The following PDE4B variants were observed in gnomAD, a reference collection of about 807,000 sequenced individuals.
The protein encoded by PDE4B is 3',5'-cyclic-AMP phosphodiesterase 4B.
A neutral mutation model predicts 82.2 loss-of-function variants in PDE4B; 20 were observed. The observed-to-expected ratio is 0.24, with a 90% CI of 0.17 to 0.35. PDE4B has a LOEUF of 0.35. Ranked by LOEUF, PDE4B falls within the 10% of genes least tolerant of loss-of-function variation. The pLI is 1.00. For synonymous variants in PDE4B, 320 were observed against 318.9 expected (o/e 1.00, Z -0.04); for missense variants, 655 against 907.2 (o/e 0.72, Z 3.57).
At chr1:66,016,161 T>C (rs191359575) in intron 3 of PDE4B, among the ~76,000 whole-genome samples, 1,754 of 152,272 alleles carry the variant, frequency 0.012, 35 homozygotes, top group African/African-American at 0.04. Context: ...CATGGAGTTG[T>C]TGTGAGGATT....
chr1:66,106,602 G>A (rs1645363199), intron 3 of PDE4B, among the ~76,000 whole-genome samples: 1 of 151,272 alleles, frequency 6.6e-6, no homozygotes, highest in African/African-American at 2.4e-5. Context: ...ATTGATTATT[G>A]CCACAATTTC....
At chr1:66,207,826 A>G in intron 3 of PDE4B, among the ~76,000 whole-genome samples, 1 of 152,196 alleles carries the variant, frequency 6.6e-6, no homozygotes, top group East Asian at 1.9e-4. Flanking sequence ...TTCGTTTGTA[A>G]TTACAAAATA....
chr1:66,247,255 G>A (rs913764182), intron 3 of PDE4B, among the ~76,000 whole-genome samples: 1 of 152,168 alleles, frequency 6.6e-6, no homozygotes, highest in Non-Finnish European at 1.5e-5. Flanking sequence ...CTGAACTTCA[G>A]TGCGACTCAG....
intron 3 of PDE4B, among the ~76,000 whole-genome samples, chr1:66,154,573 A>G (rs1646465498): frequency 6.6e-6 from 1 of 152,214 alleles, no homozygotes; most frequent in African/African-American, 2.4e-5. Context: ...TGAATTAAAC[A>G]TGCTGTTTTC....
At chr1:66,015,876 C>T (rs1313156196) in intron 3 of PDE4B, among the ~76,000 whole-genome samples, 1 of 152,118 alleles carries the variant, frequency 6.6e-6, no homozygotes, top group African/African-American at 2.4e-5. Flanking sequence ...GGTTGGTTCA[C>T]GTTATCAATT....
intron 3 of PDE4B, among the ~76,000 whole-genome samples, chr1:66,102,816 C>T (rs987033215): frequency 1.8e-4 from 28 of 152,092 alleles, no homozygotes; most frequent in African/African-American, 6.7e-4. Flanking sequence ...ACAGGCAGTT[C>T]TAGAAAGCAG....
intron 3 of PDE4B, among the ~76,000 whole-genome samples, chr1:66,138,658 A>T (rs1339717357): frequency 6.6e-6 from 1 of 152,232 alleles, no homozygotes; most frequent in Non-Finnish European, 1.5e-5. Flanking sequence ...CATTTTGTTA[A>T]TACAACACTA....
At chr1:66,233,798 C>T (rs1158370399) in intron 3 of PDE4B, among the ~76,000 whole-genome samples, 2 of 152,050 alleles carry the variant, frequency 1.3e-5, no homozygotes, top group African/African-American at 4.8e-5. Context: ...GTTTTTCAGT[C>T]TGTTAGCATG....
At chr1:66,242,846 A>C (rs1337723986) in intron 3 of PDE4B, among the ~76,000 whole-genome samples, 1 of 152,214 alleles carries the variant, frequency 6.6e-6, no homozygotes, top group Non-Finnish European at 1.5e-5. Context: ...CTGCAGCCTA[A>C]GGACAGTGTG....
intron 1 of PDE4B, among the ~76,000 whole-genome samples, chr1:65,817,564 G>GC (rs1167431602): frequency 6.6e-6 from 1 of 151,762 alleles, no homozygotes; most frequent in African/African-American, 2.4e-5. Flanking sequence ...CTTTATTATT[G>GC]CAACTCTTAT....
intron 3 of PDE4B, among the ~76,000 whole-genome samples, chr1:66,154,304 C>T (rs549857538): frequency 4.6e-5 from 7 of 152,278 alleles, no homozygotes; most frequent in African/African-American, 1.4e-4. Flanking sequence ...CCAAACACAC[C>T]GTGGAATGTT....
intron 3 of PDE4B, among the ~76,000 whole-genome samples, chr1:66,083,468 C>T (rs1020460815): frequency 2.6e-5 from 4 of 152,078 alleles, no homozygotes; most frequent in Non-Finnish European, 5.9e-5. Context: ...GTATTGTACT[C>T]GCTGTTTTCC....
chr1:65,938,328 G>A (rs1648265284), intron 3 of PDE4B, among the ~76,000 whole-genome samples: 1 of 152,162 alleles, frequency 6.6e-6, no homozygotes, highest in Non-Finnish European at 1.5e-5. Context: ...TAGAATCTGA[G>A]CCCTTCACCT....
chr1:65,825,214 T>A (rs767243400), intron 1 of PDE4B, among the ~76,000 whole-genome samples: 4 of 152,190 alleles, frequency 2.6e-5, no homozygotes, highest in Non-Finnish European at 5.9e-5. Flanking sequence ...TCATTGACAT[T>A]GCTCTTCCCC....
intron 1 of PDE4B, among the ~76,000 whole-genome samples, chr1:65,900,918 T>G (rs1011622755): frequency 1.3e-5 from 2 of 152,000 alleles, no homozygotes; most frequent in African/African-American, 4.8e-5. Flanking sequence ...ACAATTTGAC[T>G]TTTTTTCCTA....
At chr1:66,271,342 G>A (rs1655458512) in intron 7 of PDE4B, among the ~76,000 whole-genome samples, 1 of 152,124 alleles carries the variant, frequency 6.6e-6, no homozygotes, top group Non-Finnish European at 1.5e-5. Flanking sequence ...GTTCCGTGTT[G>A]ACTCCACTTC....
chr1:65,904,245 A>G (rs998965395), intron 1 of PDE4B, among the ~76,000 whole-genome samples: 1 of 152,188 alleles, frequency 6.6e-6, no homozygotes, highest in Non-Finnish European at 1.5e-5. Flanking sequence ...AATTTTTTGA[A>G]GTCTAGAGAC....
intron 3 of PDE4B, among the ~76,000 whole-genome samples, chr1:65,952,189 A>G (rs1649033807): frequency 6.6e-6 from 1 of 152,086 alleles, no homozygotes; most frequent in African/African-American, 2.4e-5. Context: ...GAGGCCCGCT[A>G]AAGTTTGAGA....
chr1:66,133,114 A>G (rs1040915746), intron 3 of PDE4B, among the ~76,000 whole-genome samples: 17 of 152,202 alleles, frequency 1.1e-4, no homozygotes, highest in Admixed American at 1.0e-3. Flanking sequence ...AGTGAAAAAA[A>G]TAGGAGGAAG....
Sources: allele counts gnomAD v4.1 joint callset (sites outside exome capture counted in the v4.1 genomes callset), GRCh38; gene constraint gnomAD v4.1.1; transcripts MANE v1.5; gene names NCBI Gene and HGNC (gene_info 2026-07-23, HGNC 2026-07-21).